Variants in FHIT observed in about 807,000 individuals in gnomAD.
The protein encoded by FHIT is bis(5'-adenosyl)-triphosphatase.
Under a neutral mutation model 17.9 loss-of-function variants are expected in FHIT, and 19 were observed. That is an observed-to-expected ratio of 1.06 (90% confidence interval 0.74 to 1.56). The LOEUF (loss-of-function observed/expected upper bound fraction) is 1.56. FHIT is among the 40% of genes most tolerant of loss of function. FHIT has a pLI of 0.00. For synonymous variants in FHIT, 81 were observed against 69.7 expected (o/e 1.16, Z -0.81); for missense variants, 248 against 189.2 (o/e 1.31, Z -1.82).
At chr3:61,078,236 A>T (rs774373830) in intron 2 of FHIT, among the ~76,000 whole-genome samples, 1 of 152,090 alleles carries the variant, frequency 6.6e-6, no homozygotes, top group Non-Finnish European at 1.5e-5. Flanking sequence ...TAACAACTTG[A>T]TATATGTGTC....
intron 4 of FHIT, among the ~76,000 whole-genome samples, chr3:60,811,705 G>C (rs1003876394): frequency 1.3e-4 from 20 of 152,210 alleles, no homozygotes; most frequent in African/African-American, 4.8e-4. Flanking sequence ...CCAGAAGCAA[G>C]TACAGTGAAG....
At chr3:60,437,186 A>G (rs1217360741) in intron 5 of FHIT, among the ~76,000 whole-genome samples, 7 of 152,150 alleles carry the variant, frequency 4.6e-5, no homozygotes, top group Admixed American at 1.3e-4. Flanking sequence ...GATGTTCTTG[A>G]TCAATAGTTG....
chr3:60,420,830 T>A (rs1267712633), intron 5 of FHIT, among the ~76,000 whole-genome samples: 1 of 152,194 alleles, frequency 6.6e-6, no homozygotes, highest in Non-Finnish European at 1.5e-5. Flanking sequence ...CCAACACACA[T>A]AATGAAAGTC....
intron 5 of FHIT, among the ~76,000 whole-genome samples, chr3:60,039,309 G>C (rs550491596): frequency 6.6e-6 from 1 of 152,292 alleles, no homozygotes; most frequent in African/African-American, 2.4e-5. Context: ...CATCATCTGA[G>C]CAGCTCCACT....
intron 5 of FHIT, among the ~76,000 whole-genome samples, chr3:60,182,307 G>T (rs1442784150): frequency 6.6e-6 from 1 of 152,128 alleles, no homozygotes; most frequent in Non-Finnish European, 1.5e-5. Flanking sequence ...CCTCAACAAG[G>T]CAGCATCAAC....
intron 8 of FHIT, among the ~76,000 whole-genome samples, chr3:59,869,484 C>CTTTTTT (rs59589849): frequency 1.9e-5 from 2 of 105,460 alleles, no homozygotes; most frequent in Admixed American, 9.6e-5. Flanking sequence ...AAAGAACATC[C>CTTTTTT]TTTTTTTTTT....
chr3:60,432,909 A>G (rs953479), intron 5 of FHIT, among the ~76,000 whole-genome samples: 1 of 91,038 alleles, frequency 1.1e-5, no homozygotes, highest in Admixed American at 1.2e-4. Flanking sequence ...ATTTGCTAGA[A>G]GAATTGTCTT....
chr3:60,874,492 C>T (rs1188884135), intron 3 of FHIT, among the ~76,000 whole-genome samples: 1 of 152,174 alleles, frequency 6.6e-6, no homozygotes, highest in African/African-American at 2.4e-5. Context: ...TCTTTCATCA[C>T]ATTAAGAGGT....
At chr3:61,011,068 A>G (rs897286856) in intron 3 of FHIT, among the ~76,000 whole-genome samples, 3 of 152,182 alleles carry the variant, frequency 2.0e-5, no homozygotes, top group African/African-American at 7.2e-5. Context: ...CACAAGGTGG[A>G]AATCTTGAAG....
intron 2 of FHIT, among the ~76,000 whole-genome samples, chr3:61,194,624 T>C (rs1295366017): frequency 6.6e-6 from 1 of 152,226 alleles, no homozygotes; most frequent in African/African-American, 2.4e-5. Context: ...AGGAATTGCA[T>C]TTCCCTCAAT....
At chr3:61,150,936 A>C (rs538475331) in intron 2 of FHIT, among the ~76,000 whole-genome samples, 1 of 152,366 alleles carries the variant, frequency 6.6e-6, no homozygotes, top group East Asian at 1.9e-4. Context: ...ACCAAATTGC[A>C]TTCATGGAAA....
chr3:59,960,955 A>G (rs1052219774), intron 7 of FHIT, among the ~76,000 whole-genome samples: 1 of 152,224 alleles, frequency 6.6e-6, no homozygotes, highest in South Asian at 2.1e-4. Context: ...ATTAAATTTG[A>G]ATAGTGCACT....
At chr3:60,604,939 A>T (rs2038562341) in intron 4 of FHIT, among the ~76,000 whole-genome samples, 1 of 152,148 alleles carries the variant, frequency 6.6e-6, no homozygotes, top group Admixed American at 6.6e-5. Context: ...TAACCTGCCC[A>T]AGGTCCATTT....
intron 8 of FHIT, among the ~76,000 whole-genome samples, chr3:59,876,657 A>C (rs1046152454): frequency 6.6e-6 from 1 of 152,198 alleles, no homozygotes; most frequent in African/African-American, 2.4e-5. Context: ...CTAGTAGAGA[A>C]CACCTCCTGC....
At chr3:60,658,935 T>C (rs1379804628) in intron 4 of FHIT, among the ~76,000 whole-genome samples, 12 of 151,842 alleles carry the variant, frequency 7.9e-5, no homozygotes, top group Non-Finnish European at 1.0e-4. Flanking sequence ...TTACAGAGCA[T>C]GTGTAGTGGT....
intron 2 of FHIT, among the ~76,000 whole-genome samples, chr3:61,161,448 C>T (rs1435471043): frequency 6.6e-6 from 1 of 152,130 alleles, no homozygotes; most frequent in African/African-American, 2.4e-5. Context: ...GTGATCCGCC[C>T]ACCTTGGCCT....
intron 5 of FHIT, among the ~76,000 whole-genome samples, chr3:60,200,671 G>A (rs78400572): frequency 1.4e-4 from 21 of 146,100 alleles, no homozygotes; most frequent in South Asian, 4.4e-4. Context: ...GCTTTTGGGG[G>A]AAAAAAAAAA....
intron 5 of FHIT, among the ~76,000 whole-genome samples, chr3:60,127,256 G>A (rs1705595101): frequency 6.6e-6 from 1 of 152,170 alleles, no homozygotes; most frequent in African/African-American, 2.4e-5. Flanking sequence ...CTTTATTAAT[G>A]AGTACCCAGA....
At chr3:60,465,902 T>C (rs1175004460) in intron 5 of FHIT, among the ~76,000 whole-genome samples, 1 of 152,094 alleles carries the variant, frequency 6.6e-6, no homozygotes, top group East Asian at 1.9e-4. Flanking sequence ...GCTAAGATTA[T>C]TTTTTTCTAT....
Sources: gnomAD v4.1 joint callset for allele counts (sites outside exome capture counted in the v4.1 genomes callset) on GRCh38, gnomAD v4.1.1 for gene constraint, MANE v1.5 for transcripts, NCBI Gene and HGNC (gene_info 2026-07-23, HGNC 2026-07-21) for gene names.